The following ING1 variants were observed in gnomAD, a reference collection of about 807,000 sequenced individuals.
The protein encoded by ING1 is inhibitor of growth protein 1.
In ING1, 4 loss-of-function variants were observed where a neutral mutation model predicts 23.1. The ratio of observed to expected loss-of-function variants is 0.17; its 90% CI spans 0.09 to 0.40. The LOEUF is 0.40. Among genes scored for constraint, ING1 ranks in the 10% least tolerant of loss-of-function variants. The pLI, the probability that ING1 is intolerant of heterozygous loss-of-function variation, is 1.00. For missense variants in ING1, 256 were observed against 393.8 expected, an observed-to-expected ratio of 0.65 and a Z score of 2.96; for synonymous variants, 179 against 166.4, an observed-to-expected ratio of 1.08 and a Z score of -0.58.
In ING1 at chr13:110,719,271, G is replaced by A. The variant is rs1191959499; in HGVS notation, c.179G>A (p.Arg60His). The A allele has an allele frequency of 3.1e-6, 5 of 1,612,472 alleles. No individual in the cohort carries two copies. The South Asian group carries it at 4.4e-5, about 14-fold the overall frequency. ...GACGAGTGCTACGAGCGCTTCAGTC[G>A]CGAGACAGACGGGGCGCAGAAGCGG... ...ELDECYERFS[R>H]ETDGAQKRRM... is the part of the protein sequence containing the mutation. The change falls in exon 2 of 2, where the codon CGC (arginine) becomes CAC (histidine). Residue 60 changes from arginine to histidine, a missense_variant. By Grantham distance (29) the Arg-to-His change is conservative. Around this residue, in one of 3 missense-constraint regions of ING1, gnomAD observed 209 missense variants for 273.8 expected, o/e 0.76. Coordinates refer to ENST00000333219, the MANE Select transcript of ING1 (RefSeq NM_198219.3). The surrounding 1 kb of genome is among the most constrained non-coding windows in gnomAD (Gnocchi z 8.9).
In ING1 at chr13:110,714,035, G is replaced by C. The variant is rs1403736099; in HGVS notation, c.-115G>C. 1.6e-6 allele frequency: 2 copies of C among 1,228,162 alleles called. No individual in the cohort carries two copies. The highest frequency in any genetic ancestry group is 6.9e-5 in the East Asian group (2 of 29,192). 76.1% of individuals were successfully genotyped at this position (1,228,162 alleles called of 1,614,324 possible). On this transcript the variant is annotated 5_prime_UTR_variant, in exon 1 of 2. Coordinates refer to ENST00000333219, the MANE Select transcript of ING1 (RefSeq NM_198219.3). ...CGCCGGGCCGAAGCAGGAGCCGGCG[G>C]GGGGGCGCCGGGAGAGCGAGGGCTT...
chr13:110,722,028 TAA>T lies in ING1; in HGVS notation c.*2097_*2098del, dbSNP rs1440614696. 2.0e-5 allele frequency: 3 copies of T among 152,226 alleles called. No homozygotes were observed. Among genetic ancestry groups the T allele is most frequent in the Non-Finnish European group, 4.4e-5 (3 of 68,034 alleles). The allele number at this position is 152,226 out of a possible 1,614,324, so 9.4% of individuals were successfully genotyped here. A position where few individuals can be genotyped will look rare whatever the true frequency, so the allele number is the denominator to read the frequency against. On this transcript the variant is annotated 3_prime_UTR_variant, in exon 2 of 2. Coordinates refer to ENST00000333219, the MANE Select transcript of ING1 (RefSeq NM_198219.3). ...CATGTATTTATTATAAGTAAAACAT[TAA>T]GTTTGCTGATTGTTTACTTGTGATA...
upstream of ING1, chr13:110,712,672 C>A: frequency 1.5e-6 from 1 of 652,532 alleles, no homozygotes; most frequent in South Asian, 1.5e-5. Flanking sequence ...GCTGAATGGC[C>A]TCAGGACGCC....
chr13:110,717,311 C>T (rs1016436786), intron 1 of ING1, among the ~76,000 whole-genome samples: 6 of 152,202 alleles, frequency 3.9e-5, no homozygotes, highest in Non-Finnish European at 7.3e-5. Context: ...TGGTGGCAGG[C>T]AGCCTGCATT....
At chr13:110,713,286 C>G, upstream of ING1, 12 of 1,278,216 alleles carry the variant, frequency 9.4e-6, no homozygotes, top group Non-Finnish European at 9.9e-6. Context: ...GAGCGAGTTG[C>G]GGTAGTTGCT....
chr13:110,717,904 G>T (rs896294732), intron 1 of ING1, among the ~76,000 whole-genome samples: 1 of 152,190 alleles, frequency 6.6e-6, no homozygotes, highest in African/African-American at 2.4e-5. Context: ...ATCTGGTACT[G>T]TTTAATTTAA....
chr13:110,713,837 C>T lies in ING1; in HGVS notation c.-313C>T, dbSNP rs1183495527. The T allele has an allele frequency of 1.0e-6, 1 of 983,052 alleles. No homozygotes were observed. Among genetic ancestry groups the T allele is most frequent in the Admixed American group, 6.2e-5 (1 of 16,058 alleles). The allele number at this position is 983,052 out of a possible 1,614,324, so 60.9% of individuals were successfully genotyped here. A position where few individuals can be genotyped will look rare whatever the true frequency, so the allele number is the denominator to read the frequency against. On this transcript the variant is annotated 5_prime_UTR_variant, in exon 1 of 2. Coordinates refer to ENST00000333219, the MANE Select transcript of ING1 (RefSeq NM_198219.3). ...GCCGCGGCGCTGGGCCCTCTCCCGC[C>T]GGTGTGTGCGCGCTCGTACGCGCGG...
Position 110,714,242 on chromosome 13 carries a change from G to A in ING1, c.93G>A (p.Gln31=). The A allele has an allele frequency of 4.4e-6, 7 of 1,578,456 alleles. No individual in the cohort carries two copies. The highest frequency in any genetic ancestry group is 6.0e-6 in the Non-Finnish European group (7 of 1,164,186). The change falls in exon 1 of 2, where the codon CAG becomes CAA. Residue 31 remains glutamine, a synonymous_variant. Transcript: ENST00000333219. The part of the protein sequence containing the change: ...DSIESLPFDL[Q]RNVSLMREID... ...TCGAGTCCCTGCCTTTCGACTTGCA[G>A]AGAAATGTCTCGCTGATGCGGGAGA... is the stretch of plus-strand genomic sequence containing the variant.
chr13:110,715,018 C>CGG (rs537817203), intron 1 of ING1: 8 of 992,700 alleles, frequency 8.1e-6, no homozygotes, highest in Non-Finnish European at 9.6e-6. Context: ...GCGCTGCGCT[C>CGG]GGGGGGGCGC....
Position 110,719,633 on chromosome 13 carries a change from G to A in ING1, c.541G>A (p.Ala181Thr), listed in dbSNP as rs1400928907. The change falls in exon 2 of 2, where the codon GCC becomes ACC. Residue 181 changes from alanine (A) to threonine (T), a missense_variant. Physicochemically the swap from Ala to Thr is moderately conservative, Grantham distance 58 (BLOSUM62 0). This residue lies in a region of ING1 where 209 missense variants were observed against 273.8 expected (regional missense o/e 0.76). Coordinates refer to ENST00000333219, the MANE Select transcript of ING1 (RefSeq NM_198219.3). This position sits in a 1 kb window ranked among gnomAD's most constrained non-coding sequence, Gnocchi z 8.9. ...CTCGGGCACACCCAAGGAGAAGAAGGCCAAGACCTCCAAGAAGAAGAAGCG... is the reference window on the plus strand; with the variant it reads ...CTCGGGCACACCCAAGGAGAAGAAGACCAAGACCTCCAAGAAGAAGAAGCG... ...GASGTPKEKK[A>T]KTSKKKKRSK... 1.2e-6 allele frequency: 2 copies of A among 1,612,410 alleles called. No individual in the cohort carries two copies. The highest frequency in any genetic ancestry group is 1.7e-6 in the Non-Finnish European group (2 of 1,179,646).
In ING1 at chr13:110,714,258, A is replaced by G; in HGVS notation, c.109A>G (p.Met37Val). The G allele has an allele frequency of 6.4e-7, 1 of 1,573,352 alleles. No homozygotes were observed. The highest frequency in any genetic ancestry group is 8.6e-7 in the Non-Finnish European group (1 of 1,161,466). ...PFDLQRNVSL[M>V]REIDAKYQEI... is the part of the protein sequence containing the mutation. ...CGACTTGCAGAGAAATGTCTCGCTG[A>G]TGCGGGAGATCGACGCGAAATACCA... Residue 37 changes from methionine to valine, a missense_variant, in exon 1 of 2, where the codon ATG (methionine) becomes GTG (valine). Around this residue, in one of 3 missense-constraint regions of ING1, gnomAD observed 209 missense variants for 273.8 expected, o/e 0.76. Transcript: ENST00000333219.
chr13:110,715,099 C>T (rs2064097712), intron 1 of ING1: 3 of 1,062,060 alleles, frequency 2.8e-6, no homozygotes, highest in Non-Finnish European at 3.4e-6. Context: ...GCAGACCTGG[C>T]CGCCCCGGGT....
At position 110,722,710 on chromosome 13, in the gene ING1, A is replaced by C. The variant is rs2064179257; in HGVS notation, c.*2778A>C. 6.6e-6 allele frequency: 1 copy of C among 152,224 alleles called. No individual in the cohort carries two copies. The highest frequency in any genetic ancestry group is 2.1e-4 in the South Asian group (1 of 4,834). 9.4% of individuals were successfully genotyped at this position (152,224 alleles called of 1,614,324 possible). The stretch of plus-strand genomic sequence containing the variant: ...GGATAATTTTTCTCTAGCTTTCTTC[A>C]AGTTTCTCATAAGGACAGGTGGGTA... On this transcript the variant is annotated 3_prime_UTR_variant, in exon 2 of 2. Coordinates refer to ENST00000333219, the MANE Select transcript of ING1 (RefSeq NM_198219.3).
chr13:110,714,858 C>T, intron 1 of ING1: 1 of 496,346 alleles, frequency 2.0e-6, no homozygotes, highest in Non-Finnish European at 2.6e-6. Context: ...CAGCCCCCTC[C>T]GGCCCTCACT....
rs766441343 is a variant in ING1, at chr13:110,723,113, G to A, written c.*3181G>A. The A allele has an allele frequency of 6.6e-6, 1 of 152,200 alleles. No homozygotes were observed. The highest frequency in any genetic ancestry group is 1.5e-5 in the Non-Finnish European group (1 of 68,038). 9.4% of individuals were successfully genotyped at this position (152,200 alleles called of 1,614,324 possible). On this transcript the variant is annotated 3_prime_UTR_variant, in exon 2 of 2. Coordinates refer to ENST00000333219, the MANE Select transcript of ING1 (RefSeq NM_198219.3). ...CTATTGTAAACTGGACTAAAGAAAC[G>A]TTGTATGTTCAAGGAAGTGTTGAGC... is the stretch of plus-strand genomic sequence containing the variant.
chr13:110,712,971 G>A (rs761795696), upstream of ING1: 25 of 1,559,146 alleles, frequency 1.6e-5, no homozygotes, highest in Middle Eastern at 1.7e-4. Flanking sequence ...GTCCGGCCGC[G>A]GAATGGGTAG....
intron 1 of ING1, chr13:110,716,109 G>C (rs2064120684): frequency 1.6e-6 from 2 of 1,281,204 alleles, no homozygotes; most frequent in Non-Finnish European, 2.0e-6. Context: ...GGTGACCCTG[G>C]GGCTCCGGAC....
chr13:110,714,899 C>G, intron 1 of ING1: 1 of 862,372 alleles, frequency 1.2e-6, no homozygotes, highest in Non-Finnish European at 1.4e-6. Flanking sequence ...GGGCCGACTG[C>G]GAGGGGCGAC....
upstream of ING1, chr13:110,713,091 G>C: frequency 6.9e-7 from 1 of 1,440,874 alleles, no homozygotes. Context: ...CCGCCTCCCG[G>C]AGGACTTGGG....
Sources: gnomAD v4.1 joint callset for allele counts (sites outside exome capture counted in the v4.1 genomes callset) on GRCh38, gnomAD v4.1.1 for gene constraint, gnomAD v4.1.1 regional missense constraint, Gnocchi (gnomAD v3.1) non-coding constraint, MANE v1.5 for transcripts, NCBI Gene and HGNC (gene_info 2026-07-23, HGNC 2026-07-21) for gene names.